Variants in DOCK3 observed in about 807,000 individuals in gnomAD.
The protein encoded by DOCK3 is dedicator of cytokinesis protein 3.
In DOCK3, 60 loss-of-function variants were observed where a neutral mutation model predicts 265.6. The ratio of observed to expected loss-of-function variants is 0.23; its 90% confidence interval spans 0.18 to 0.28. The LOEUF (loss-of-function observed/expected upper bound fraction) is 0.28, where lower values mean the gene tolerates loss of function less well. Among genes scored for constraint, DOCK3 ranks in the 10% least tolerant of loss-of-function variants. The pLI is 1.00. For synonymous variants in DOCK3, 881 were observed against 938.0 expected (o/e 0.94, Z 1.11); for missense variants, 1,981 against 2,594.3 (o/e 0.76, Z 5.14).
intron 27 of DOCK3, among the ~76,000 whole-genome samples, chr3:51,308,170 T>C (rs1158970333): frequency 6.6e-6 from 1 of 151,974 alleles, no homozygotes; most frequent in African/African-American, 2.4e-5. Context: ...GGGAAGGGAA[T>C]AGTGCAAGTT....
chr3:51,330,816 C>G (rs929755151), intron 33 of DOCK3, among the ~76,000 whole-genome samples: 1 of 152,104 alleles, frequency 6.6e-6, no homozygotes, highest in Non-Finnish European at 1.5e-5. Flanking sequence ...GGAACTATGG[C>G]CCTCCCAAGT....
At chr3:51,206,720 C>G (rs2089234555) in intron 12 of DOCK3, among the ~76,000 whole-genome samples, 1 of 152,100 alleles carries the variant, frequency 6.6e-6, no homozygotes, top group Non-Finnish European at 1.5e-5. Context: ...GACCTCTAAC[C>G]TGTGATGGGC....
At chr3:51,102,792 T>C (rs1262062384) in intron 9 of DOCK3, among the ~76,000 whole-genome samples, 2 of 152,202 alleles carry the variant, frequency 1.3e-5, no homozygotes, top group Admixed American at 1.3e-4. Context: ...ATATAAAATA[T>C]ATACAATTAT....
intron 11 of DOCK3, 58 bp from the exon 12 acceptor site, chr3:51,160,497 G>A: frequency 6.5e-7 from 1 of 1,527,548 alleles, no homozygotes; most frequent in South Asian, 1.3e-5. Flanking sequence ...ACAATTAGGT[G>A]ATACTGGAGA....
intron 1 of DOCK3, among the ~76,000 whole-genome samples, chr3:50,691,071 A>G (rs985084721): frequency 1.3e-5 from 2 of 151,654 alleles, no homozygotes; most frequent in Admixed American, 6.6e-5. Context: ...TCACGAGGTC[A>G]GGAGATCGAG....
At chr3:51,250,807 CAG>C (rs1470761780) in intron 22 of DOCK3, among the ~76,000 whole-genome samples, 1 of 152,122 alleles carries the variant, frequency 6.6e-6, no homozygotes, top group Admixed American at 6.5e-5. Flanking sequence ...ACTGAGGAAA[CAG>C]AATATTTAAA....
chr3:50,748,892 AT>A (rs1161856804), intron 1 of DOCK3, among the ~76,000 whole-genome samples: 2 of 152,182 alleles, frequency 1.3e-5, no homozygotes, highest in Admixed American at 6.5e-5. Context: ...AAGGAGTGTT[AT>A]GGTGACCTTT....
chr3:50,812,987 G>T (rs2043855827), intron 2 of DOCK3, among the ~76,000 whole-genome samples: 1 of 152,184 alleles, frequency 6.6e-6, no homozygotes, highest in Non-Finnish European at 1.5e-5. Context: ...AATTTTATGT[G>T]TATGGGGTTA....
chr3:51,147,270 A>G (rs943510830), intron 10 of DOCK3, among the ~76,000 whole-genome samples: 2 of 152,222 alleles, frequency 1.3e-5, no homozygotes, highest in African/African-American at 2.4e-5. Context: ...TAGTGAGTTC[A>G]TATACAGCAA....
rs1212731571 is a variant in DOCK3 at position 51,374,505 on chromosome 3, G to A, written c.5330G>A (p.Arg1777His). 21 of 1,613,612 alleles carry A rather than the reference G, an allele frequency of 1.3e-5. No individual in the cohort carries two copies. Among genetic ancestry groups the A allele is most frequent in the Non-Finnish European group, 1.4e-5 (17 of 1,179,800 alleles). Residue 1777 changes from arginine to histidine, a missense_variant, in exon 50 of 53, where the codon CGT (arginine) becomes CAT (histidine). Coordinates refer to ENST00000266037, the MANE Select transcript of DOCK3 (RefSeq NM_004947.5). This position sits in a 1 kb window ranked among gnomAD's most constrained non-coding sequence, Gnocchi z 4.8. ...CTGCCAGATAAGTACCGCCATGCCC[G>A]TGAAATGATGTTGTTGCTGCCCACA... The part of the protein sequence containing the change: ...PSLPDKYRHA[R>H]EMMLLLPTYR...
At chr3:51,109,840 G>A (rs865806265) in intron 9 of DOCK3, among the ~76,000 whole-genome samples, 1 of 151,974 alleles carries the variant, frequency 6.6e-6, no homozygotes, top group African/African-American at 2.4e-5. Flanking sequence ...GGCCAAAGTG[G>A]AAGGATTGCT....
At chr3:51,375,101 CAAG>C (rs2087997559) in intron 50 of DOCK3, among the ~76,000 whole-genome samples, 1 of 152,206 alleles carries the variant, frequency 6.6e-6, no homozygotes. Context: ...GGACCTTGAA[CAAG>C]AAGCTGTAGG....
intron 44 of DOCK3, 62 bp from the exon 45 acceptor site, chr3:51,357,696 T>C (rs1198233124): frequency 1.3e-6 from 2 of 1,569,476 alleles, no homozygotes; most frequent in African/African-American, 1.4e-5. Flanking sequence ...TCAAGTCTCC[T>C]GGGCCCCACT....
rs968153208 is a variant in DOCK3 at position 51,278,268 on chromosome 3, A to G, written c.2823+514A>G. ...ATTTCACTGGCATTAGTGAATAACG[A>G]TTTTTCTGTGATCTAATTAGAAGAG... On this transcript the variant is annotated intron_variant, in intron 26 of 52. Coordinates refer to ENST00000266037, the MANE Select transcript of DOCK3 (RefSeq NM_004947.5). 7 of 985,180 alleles carry G rather than the reference A, an allele frequency of 7.1e-6. No homozygotes were observed. In the African/African-American group the frequency reaches 1.2e-4, roughly 17 times the overall value. 61.0% of individuals were successfully genotyped at this position (985,180 alleles called of 1,614,324 possible).
intron 3 of DOCK3, among the ~76,000 whole-genome samples, chr3:50,864,892 G>T (rs556805083): frequency 2.7e-5 from 4 of 149,384 alleles, no homozygotes; most frequent in African/African-American, 7.4e-5. Context: ...TCCAGGCTTG[G>T]TTTTTTTTTC....
chr3:50,959,829 C>T (rs1323510129), intron 5 of DOCK3, among the ~76,000 whole-genome samples: 2 of 152,134 alleles, frequency 1.3e-5, no homozygotes, highest in Admixed American at 1.3e-4. Flanking sequence ...ATCTGCCCAC[C>T]TCGGCCTCTC....
chr3:51,267,770 A>G (rs1419428139), intron 23 of DOCK3, among the ~76,000 whole-genome samples: 3 of 152,256 alleles, frequency 2.0e-5, no homozygotes, highest in Non-Finnish European at 2.9e-5. Context: ...GACTAGATAA[A>G]GAAAATGTGG....
At chr3:51,346,495 T>A (rs2085587644) in intron 38 of DOCK3, among the ~76,000 whole-genome samples, 1 of 152,204 alleles carries the variant, frequency 6.6e-6, no homozygotes. Flanking sequence ...CAGCATAGTA[T>A]TCCATGGTGT....
intron 5 of DOCK3, among the ~76,000 whole-genome samples, chr3:51,048,072 A>T (rs1394254024): frequency 6.6e-6 from 1 of 152,180 alleles, no homozygotes; most frequent in Non-Finnish European, 1.5e-5. Context: ...GGCTCAACAT[A>T]TACAAATTAA....
Sources: allele counts gnomAD v4.1 joint callset (sites outside exome capture counted in the v4.1 genomes callset), GRCh38; gene constraint gnomAD v4.1.1; non-coding constraint Gnocchi (gnomAD v3.1); transcripts MANE v1.5; gene names NCBI Gene and HGNC (gene_info 2026-07-23, HGNC 2026-07-21).